LRRTM4: variants seen among roughly 807,000 people sequenced by gnomAD.
LRRTM4 encodes the protein leucine rich repeat transmembrane neuronal 4.
Under a neutral mutation model 47.6 loss-of-function variants are expected in LRRTM4, and 25 were observed. That is an observed-to-expected ratio of 0.53 (90% CI 0.38 to 0.73). The LOEUF (loss-of-function observed/expected upper bound fraction) is 0.73, where lower values mean the gene tolerates loss of function less well. LRRTM4 is among the 30% of genes least tolerant of loss of function. LRRTM4 has a pLI of 0.00. For missense variants in LRRTM4, 638 were observed against 713.4 expected (o/e 0.89, Z 1.20); for synonymous variants, 311 against 269.5 (o/e 1.15, Z -1.51).
intron 3 of LRRTM4, among the ~76,000 whole-genome samples, chr2:76,886,909 T>C (rs532136642): frequency 1.3e-5 from 2 of 152,124 alleles, no homozygotes; most frequent in African/African-American, 4.8e-5. Flanking sequence ...CGACTATTGA[T>C]TCAACCAAAA....
intron 3 of LRRTM4, among the ~76,000 whole-genome samples, chr2:76,780,633 T>C (rs1331577091): frequency 2.0e-5 from 3 of 152,186 alleles, no homozygotes; most frequent in African/African-American, 7.2e-5. Flanking sequence ...CACTTCTCTG[T>C]ATTGGTTATT....
chr2:76,873,680 T>C (rs1357425252), intron 3 of LRRTM4, among the ~76,000 whole-genome samples: 2 of 151,528 alleles, frequency 1.3e-5, no homozygotes, highest in Non-Finnish European at 2.9e-5. Flanking sequence ...CTGACATGTG[T>C]GAGATGTGCT....
chr2:77,132,579 T>C (rs946607479), intron 3 of LRRTM4, among the ~76,000 whole-genome samples: 1 of 152,194 alleles, frequency 6.6e-6, no homozygotes, highest in African/African-American at 2.4e-5. Context: ...ACCCAGTCTC[T>C]GCTCCTGGAA....
At chr2:76,944,769 C>G (rs1030641836) in intron 3 of LRRTM4, among the ~76,000 whole-genome samples, 1 of 151,738 alleles carries the variant, frequency 6.6e-6, no homozygotes, top group Non-Finnish European at 1.5e-5. Flanking sequence ...CTCAACTTCC[C>G]AAAGTTCATT....
chr2:77,505,129 A>G (rs1678719797), intron 3 of LRRTM4, among the ~76,000 whole-genome samples: 1 of 151,270 alleles, frequency 6.6e-6, no homozygotes, highest in South Asian at 2.1e-4. Flanking sequence ...AGTAAGCGCA[A>G]TAGGAGCTGA....
intron 3 of LRRTM4, among the ~76,000 whole-genome samples, chr2:76,856,787 GA>G (rs958461829): frequency 2.2e-4 from 33 of 151,168 alleles, no homozygotes; most frequent in African/African-American, 7.5e-4. Context: ...TTGTAAAAAA[GA>G]AAAAAAAGCC....
chr2:77,093,440 G>A (rs1170943118), intron 3 of LRRTM4, among the ~76,000 whole-genome samples: 2 of 150,950 alleles, frequency 1.3e-5, no homozygotes, highest in Non-Finnish European at 2.9e-5. Flanking sequence ...CATTCTATAC[G>A]ACAAATGTTT....
intron 3 of LRRTM4, among the ~76,000 whole-genome samples, chr2:76,785,495 C>T (rs897597373): frequency 1.3e-5 from 2 of 152,060 alleles, no homozygotes; most frequent in Non-Finnish European, 2.9e-5. Context: ...GTACGTCAGT[C>T]TCTAATCAAC....
At chr2:77,516,257 C>T (rs1404194570) in intron 3 of LRRTM4, among the ~76,000 whole-genome samples, 2 of 151,826 alleles carry the variant, frequency 1.3e-5, no homozygotes, top group Non-Finnish European at 2.9e-5. Flanking sequence ...ATCTATATAA[C>T]ACATACAATA....
At chr2:77,063,067 G>A (rs1466185609) in intron 3 of LRRTM4, among the ~76,000 whole-genome samples, 1 of 150,310 alleles carries the variant, frequency 6.7e-6, no homozygotes, top group African/African-American at 2.5e-5. Context: ...CCATGCTTCT[G>A]CCTCAGCCTC....
intron 3 of LRRTM4, among the ~76,000 whole-genome samples, chr2:77,020,205 CTT>C (rs2104100568): frequency 6.6e-6 from 1 of 152,064 alleles, no homozygotes; most frequent in East Asian, 1.9e-4. Flanking sequence ...GCACAGAACT[CTT>C]TTGGTTTGGA....
intron 3 of LRRTM4, among the ~76,000 whole-genome samples, chr2:77,385,913 A>AT (rs1553437653): frequency 3.1e-4 from 45 of 147,532 alleles, no homozygotes; most frequent in Admixed American, 1.6e-3. Flanking sequence ...ACTCCTGGCT[A>AT]TTTTTTTTTT....
intron 3 of LRRTM4, among the ~76,000 whole-genome samples, chr2:77,034,730 T>C (rs1237855934): frequency 6.6e-6 from 1 of 151,948 alleles, no homozygotes; most frequent in Admixed American, 6.6e-5. Context: ...AGGAAGTGTA[T>C]CACGTCTGCC....
intron 3 of LRRTM4, among the ~76,000 whole-genome samples, chr2:76,963,311 G>C (rs763999767): frequency 6.6e-6 from 1 of 150,660 alleles, no homozygotes; most frequent in Non-Finnish European, 1.5e-5. Context: ...AGTAAATGGC[G>C]ATTCTACTTA....
intron 3 of LRRTM4, among the ~76,000 whole-genome samples, chr2:77,241,896 T>G (rs1172358883): frequency 6.6e-6 from 1 of 152,122 alleles, no homozygotes; most frequent in Non-Finnish European, 1.5e-5. Flanking sequence ...AAAAGACCAT[T>G]CTTTCCCCAT....
chr2:77,238,879 A>G (rs1487521053), intron 3 of LRRTM4, among the ~76,000 whole-genome samples: 1 of 152,054 alleles, frequency 6.6e-6, no homozygotes, highest in African/African-American at 2.4e-5. Flanking sequence ...GAAAATAAAT[A>G]TTTTGGGGAC....
chr2:77,186,938 A>G (rs2103869698), intron 3 of LRRTM4, among the ~76,000 whole-genome samples: 1 of 152,308 alleles, frequency 6.6e-6, no homozygotes, highest in East Asian at 1.9e-4. Context: ...AAAAATTATT[A>G]CTGTCCTGAT....
At chr2:77,028,987 G>T (rs1678550254) in intron 3 of LRRTM4, among the ~76,000 whole-genome samples, 1 of 148,572 alleles carries the variant, frequency 6.7e-6, no homozygotes, top group Admixed American at 6.8e-5. Flanking sequence ...GTGAGCCAAG[G>T]TCACACCACT....
At chr2:77,002,392 C>T (rs2104028002) in intron 3 of LRRTM4, among the ~76,000 whole-genome samples, 1 of 152,120 alleles carries the variant, frequency 6.6e-6, no homozygotes, top group East Asian at 1.9e-4. Flanking sequence ...GTCATTTTTT[C>T]CTGTATGCAG....
Sources: allele counts gnomAD v4.1 joint callset (sites outside exome capture counted in the v4.1 genomes callset), GRCh38; gene constraint gnomAD v4.1.1; transcripts MANE v1.5; gene names NCBI Gene and HGNC (gene_info 2026-07-23, HGNC 2026-07-21).